The following PTPRD variants were observed in gnomAD, a reference collection of about 807,000 sequenced individuals.
PTPRD encodes the protein protein tyrosine phosphatase receptor type D.
A neutral mutation model predicts 214.5 loss-of-function variants in PTPRD; 34 were observed. That is an observed-to-expected ratio of 0.16 (90% CI 0.12 to 0.21). The LOEUF (loss-of-function observed/expected upper bound fraction) is 0.21. Among genes scored for constraint, PTPRD ranks in the 10% least tolerant of loss-of-function variants. The probability of loss-of-function intolerance (pLI) is 1.00; values close to 1 mark genes in which losing one functional copy is unlikely to be tolerated. For synonymous variants in PTPRD, 1,128 were observed against 845.7 expected (o/e 1.33, Z -5.79); for missense variants, 2,545 against 2,398.7 (o/e 1.06, Z -1.27).
chr9:9,635,376 T>C (rs542550179), intron 7 of PTPRD, among the ~76,000 whole-genome samples: 1 of 152,282 alleles, frequency 6.6e-6, no homozygotes, highest in African/African-American at 2.4e-5. Context: ...AGGTAGCATA[T>C]TCCTCTCGCA....
At chr9:9,103,405 C>T (rs1459931686) in intron 10 of PTPRD, among the ~76,000 whole-genome samples, 1 of 151,630 alleles carries the variant, frequency 6.6e-6, no homozygotes, top group Non-Finnish European at 1.5e-5. Context: ...CTTGAGTTAG[C>T]ATGAAAAAAT....
Position 9,765,286 on chromosome 9 carries a change from T to C in PTPRD, c.-326+1524A>G, listed in dbSNP as rs188698381. 4.3e-4 allele frequency among the ~76,000 whole-genome samples: 65 copies of C among 152,278 alleles called. No homozygotes were observed. The East Asian group carries it at 7.5e-3, about 18-fold the overall frequency. On this transcript the variant is annotated intron_variant, in intron 6 of 45. Transcript: ENST00000381196. The stretch of plus-strand genomic sequence containing the variant: ...GTAACACTGCAGAAAACATAGAGTA[T>C]GTTTTGGGCCAAATAAAAAATATGA...
chr9:10,093,565 T>C (rs440533), intron 3 of PTPRD, among the ~76,000 whole-genome samples: 64,704 of 151,238 alleles, frequency 0.43, 14,779 homozygotes, highest in African/African-American at 0.56. Flanking sequence ...TTAAAAGTAC[T>C]TTTTGACCTA....
At chr9:9,654,752 A>G (rs1594356959) in intron 7 of PTPRD, among the ~76,000 whole-genome samples, 1 of 152,214 alleles carries the variant, frequency 6.6e-6, no homozygotes, top group African/African-American at 2.4e-5. Flanking sequence ...ATCTGCATAC[A>G]TGCAAATATG....
chr9:9,379,392 C>G (rs1292639042), intron 9 of PTPRD, among the ~76,000 whole-genome samples: 1 of 151,702 alleles, frequency 6.6e-6, no homozygotes, highest in Non-Finnish European at 1.5e-5. Context: ...TAAAATTGAT[C>G]TACTTTCCTA....
chr9:10,490,059 A>G (rs2099157048), intron 2 of PTPRD, among the ~76,000 whole-genome samples: 1 of 152,192 alleles, frequency 6.6e-6, no homozygotes, highest in African/African-American at 2.4e-5. Context: ...GGAAGAGAAT[A>G]ATCAGTAGAG....
At chr9:10,437,233 T>C (rs1013607898) in intron 2 of PTPRD, among the ~76,000 whole-genome samples, 3 of 151,838 alleles carry the variant, frequency 2.0e-5, no homozygotes, top group Non-Finnish European at 4.4e-5. Flanking sequence ...GCCAATATCT[T>C]TTAACAGAAA....
intron 8 of PTPRD, among the ~76,000 whole-genome samples, chr9:9,483,127 T>C (rs1014942980): frequency 6.6e-6 from 1 of 152,190 alleles, no homozygotes; most frequent in Non-Finnish European, 1.5e-5. Flanking sequence ...TTTAAAAGCA[T>C]TGTGGTACAA....
chr9:9,231,531 C>G (rs188940484), intron 9 of PTPRD, among the ~76,000 whole-genome samples: 2 of 152,228 alleles, frequency 1.3e-5, no homozygotes, highest in Admixed American at 6.5e-5. Context: ...GTAAGACTAT[C>G]TAAATGCTAC....
At chr9:10,519,599 A>AT (rs1237344082) in intron 2 of PTPRD, among the ~76,000 whole-genome samples, 2 of 152,038 alleles carry the variant, frequency 1.3e-5, no homozygotes, top group Admixed American at 6.6e-5. Context: ...CAGCTATTGC[A>AT]TTTTTTTATA....
chr9:8,316,567 T>C lies in PTPRD; in HGVS notation c.*1307A>G, dbSNP rs1821946278. Reference sequence around the variant, plus strand: ...GCTGATATATTACAACATTCTCCCCTCCTAAAGGGATATGCACTGACCTTT... The same window carrying C: ...GCTGATATATTACAACATTCTCCCCCCCTAAAGGGATATGCACTGACCTTT... On this transcript the variant is annotated 3_prime_UTR_variant, in exon 46 of 46. Coordinates refer to ENST00000381196, the MANE Select transcript of PTPRD (RefSeq NM_002839.4). 1 of 231,072 alleles carries C rather than the reference T, an allele frequency of 4.3e-6. No individual in the cohort carries two copies. The highest frequency in any genetic ancestry group is 8.6e-6 in the Non-Finnish European group (1 of 116,342). The allele number at this position is 231,072 out of a possible 1,614,324, so 14.3% of individuals were successfully genotyped here.
chr9:8,683,533 T>A (rs181073934), intron 12 of PTPRD, among the ~76,000 whole-genome samples: 83 of 152,248 alleles, frequency 5.5e-4, no homozygotes, highest in African/African-American at 1.9e-3. Context: ...AGAACCCACC[T>A]CCTCTATATG....
chr9:9,587,979 T>G (rs2092279749), intron 7 of PTPRD, among the ~76,000 whole-genome samples: 1 of 151,924 alleles, frequency 6.6e-6, no homozygotes, highest in Non-Finnish European at 1.5e-5. Context: ...TTTGTATACT[T>G]CAAAGTAATA....
At chr9:10,402,103 A>G (rs1399744885) in intron 2 of PTPRD, among the ~76,000 whole-genome samples, 1 of 151,670 alleles carries the variant, frequency 6.6e-6, no homozygotes, top group East Asian at 1.9e-4. Context: ...GAAAAAGGGT[A>G]TAAAATGTAA....
intron 9 of PTPRD, among the ~76,000 whole-genome samples, chr9:9,363,313 G>A (rs544942927): frequency 5.3e-5 from 8 of 150,958 alleles, no homozygotes; most frequent in Non-Finnish European, 1.0e-4. Flanking sequence ...TAGTTGTAAT[G>A]GACCCAGATT....
At chr9:8,934,442 TA>T in intron 11 of PTPRD, among the ~76,000 whole-genome samples, 1 of 43,576 alleles carries the variant, frequency 2.3e-5, no homozygotes, top group African/African-American at 1.0e-4. Context: ...TATAAATATA[TA>T]TATAAATTTA....
chr9:9,573,242 G>A (rs572439140), intron 8 of PTPRD, among the ~76,000 whole-genome samples: 2 of 151,452 alleles, frequency 1.3e-5, no homozygotes, highest in Admixed American at 6.6e-5. Context: ...AATACCTACT[G>A]TATGATTTCA....
intron 35 of PTPRD, among the ~76,000 whole-genome samples, chr9:8,421,870 G>A (rs10815866): frequency 0.5 from 74,649 of 150,768 alleles, 18,916 homozygotes; most frequent in East Asian, 0.72. Context: ...GAATTTGCCC[G>A]GGCGTGATGG....
chr9:9,663,060 G>C lies in PTPRD; in HGVS notation c.-287+71473C>G, dbSNP rs139074887. On this transcript the variant is annotated intron_variant, in intron 7 of 45. Coordinates refer to ENST00000381196, the MANE Select transcript of PTPRD (RefSeq NM_002839.4). ...TATCTAATTTTGAGATACATAAATA[G>C]CAAAATTTCATTTGATGTGAAAAAA... 4.0e-3 allele frequency among the ~76,000 whole-genome samples: 608 copies of C among 151,512 alleles called. 2 individuals carry two copies. Among genetic ancestry groups the C allele is most frequent in the African/African-American group, 0.014 (576 of 41,472 alleles).
Sources: gnomAD v4.1 joint callset for allele counts (sites outside exome capture counted in the v4.1 genomes callset) on GRCh38, gnomAD v4.1.1 for gene constraint, MANE v1.5 for transcripts, NCBI Gene and HGNC (gene_info 2026-07-23, HGNC 2026-07-21) for gene names.